The following PTBP2 variants were observed in gnomAD, a reference collection of about 807,000 sequenced individuals.
PTBP2 encodes polypyrimidine tract binding protein 2.
A neutral mutation model predicts 61.4 loss-of-function variants in PTBP2; 13 were observed. The ratio of observed to expected loss-of-function variants is 0.21; its 90% CI spans 0.14 to 0.34. The LOEUF is 0.34. PTBP2 is among the 10% of genes least tolerant of loss of function. PTBP2 has a pLI of 1.00. For synonymous variants in PTBP2, 215 were observed against 218.5 expected, an observed-to-expected ratio of 0.98 and a Z score of 0.14; for missense variants, 405 against 642.6, an observed-to-expected ratio of 0.63 and a Z score of 4.00.
chr1:96,747,076 C>G (rs959626138), intron 2 of PTBP2, among the ~76,000 whole-genome samples: 13 of 151,644 alleles, frequency 8.6e-5, no homozygotes, highest in Non-Finnish European at 1.9e-4. Context: ...GATTTACAAT[C>G]CTTTCTCCCT....
At chr1:96,722,737 T>C (rs1261178371) in intron 1 of PTBP2, among the ~76,000 whole-genome samples, 1 of 152,146 alleles carries the variant, frequency 6.6e-6, no homozygotes, top group Non-Finnish European at 1.5e-5. Context: ...AAAACGACTA[T>C]AAAAACCCAG....
chr1:96,728,814 C>A (rs1650952039), intron 2 of PTBP2, among the ~76,000 whole-genome samples: 1 of 107,386 alleles, frequency 9.3e-6, no homozygotes, highest in African/African-American at 4.2e-5. Context: ...TTTCTTTAAG[C>A]ATTTTTTTTT....
chr1:96,773,617 G>A (rs146901773), intron 5 of PTBP2, among the ~76,000 whole-genome samples: 103 of 151,194 alleles, frequency 6.8e-4, no homozygotes, highest in African/African-American at 2.3e-3. Context: ...TTACTAAGCT[G>A]TTACCCCCAT....
chr1:96,791,258 T>G lies in PTBP2; in HGVS notation c.904+6004T>G, dbSNP rs765954304. 7.0e-4 allele frequency among the ~76,000 whole-genome samples: 106 copies of G among 152,318 alleles called. 1 individual carries two copies. The highest frequency in any genetic ancestry group is 1.3e-3 in the Non-Finnish European group (86 of 68,020). On this transcript the variant is annotated intron_variant, in intron 8 of 13. Transcript: ENST00000674951. ...AGCTAGACAGATTGCAAATTAGTAT[T>G]GCAGTAGTGAGGTAATAGAGCAATA... is the stretch of plus-strand genomic sequence containing the variant.
At chr1:96,783,469 C>T (rs934890924) in intron 7 of PTBP2, among the ~76,000 whole-genome samples, 3 of 151,972 alleles carry the variant, frequency 2.0e-5, no homozygotes, top group Admixed American at 6.6e-5. Flanking sequence ...AGTCGGACCT[C>T]AGTATTGCTG....
At chr1:96,765,779 A>G (rs924347433) in intron 3 of PTBP2, among the ~76,000 whole-genome samples, 2 of 151,996 alleles carry the variant, frequency 1.3e-5, no homozygotes, top group African/African-American at 4.8e-5. Flanking sequence ...GAGTGTTTAT[A>G]TTTAATAAGT....
intron 2 of PTBP2, among the ~76,000 whole-genome samples, chr1:96,741,227 TA>T (rs1413098622): frequency 6.6e-5 from 10 of 152,096 alleles, no homozygotes; most frequent in African/African-American, 1.2e-4. Context: ...ATTGTTTTGT[TA>T]TTTTTTTTGG....
intron 2 of PTBP2, among the ~76,000 whole-genome samples, chr1:96,741,165 C>CAA (rs202119800): frequency 4.8e-5 from 6 of 125,954 alleles, no homozygotes; most frequent in African/African-American, 1.1e-4. Flanking sequence ...CCTATTAATG[C>CAA]AAAAAAAAAA....
intron 10 of PTBP2, 117 bp downstream of exon 10, chr1:96,806,569 C>T: frequency 8.3e-7 from 1 of 1,207,720 alleles, no homozygotes; most frequent in South Asian, 1.3e-5. Context: ...TGCTATTTTT[C>T]TTTGCTATTT....
At chr1:96,808,720 A>G (rs931782135) in intron 11 of PTBP2, among the ~76,000 whole-genome samples, 4 of 152,210 alleles carry the variant, frequency 2.6e-5, no homozygotes, top group East Asian at 1.9e-4. Context: ...ATCATTTCTC[A>G]TTGCTGCTAG....
chr1:96,784,797 A>T (rs983723536), intron 7 of PTBP2, among the ~76,000 whole-genome samples: 1 of 152,122 alleles, frequency 6.6e-6, no homozygotes, highest in South Asian at 2.1e-4. Context: ...TGCAATTTTT[A>T]AAAATTAAAA....
chr1:96,812,196 T>G (rs1375829164), intron 11 of PTBP2, among the ~76,000 whole-genome samples: 4 of 152,170 alleles, frequency 2.6e-5, no homozygotes, highest in Admixed American at 6.5e-5. Context: ...CGTGATCAGA[T>G]TTGTAATTTA....
chr1:96,817,183 ACT>A (rs1662519493), downstream of PTBP2: 1 of 152,116 alleles, frequency 6.6e-6, no homozygotes, highest in African/African-American at 2.4e-5. Flanking sequence ...TAATTTTAAC[ACT>A]CAGGAATTTC....
intron 2 of PTBP2, chr1:96,749,637 G>GT: frequency 2.2e-6 from 1 of 455,852 alleles, no homozygotes; most frequent in Non-Finnish European, 4.4e-6. Flanking sequence ...TTGACCTTCA[G>GT]TTTTTTTGGT....
intron 2 of PTBP2, among the ~76,000 whole-genome samples, chr1:96,735,026 T>C (rs1310813861): frequency 6.6e-6 from 1 of 151,124 alleles, no homozygotes; most frequent in Non-Finnish European, 1.5e-5. Flanking sequence ...CAAGCGATTC[T>C]CCTGCCTCAG....
At chr1:96,761,567 A>AGT in intron 3 of PTBP2, among the ~76,000 whole-genome samples, 1 of 152,274 alleles carries the variant, frequency 6.6e-6, no homozygotes, top group South Asian at 2.1e-4. Flanking sequence ...GAAATGATAA[A>AGT]ACGAGTTATC....
intron 11 of PTBP2, among the ~76,000 whole-genome samples, chr1:96,809,838 TTTTAAC>T (rs1661875644): frequency 6.6e-6 from 1 of 152,012 alleles, no homozygotes; most frequent in South Asian, 2.1e-4. Context: ...TGACGGGAAG[TTTTAAC>T]TTTAAGAATA....
At chr1:96,763,616 G>T (rs867896826) in intron 3 of PTBP2, among the ~76,000 whole-genome samples, 20 of 123,866 alleles carry the variant, frequency 1.6e-4, no homozygotes, top group African/African-American at 4.4e-4. Flanking sequence ...GGGGGAGGGG[G>T]AGGGGGAGGG....
At chr1:96,729,353 A>G in intron 2 of PTBP2, among the ~76,000 whole-genome samples, 1 of 152,170 alleles carries the variant, frequency 6.6e-6, no homozygotes, top group South Asian at 2.1e-4. Flanking sequence ...TAGATAATTT[A>G]TACCCAATTG....
Sources: gnomAD v4.1 joint callset for allele counts (sites outside exome capture counted in the v4.1 genomes callset) on GRCh38, gnomAD v4.1.1 for gene constraint, MANE v1.5 for transcripts, NCBI Gene and HGNC (gene_info 2026-07-23, HGNC 2026-07-21) for gene names.